GPD2: variants seen among roughly 807,000 people sequenced by gnomAD.
GPD2 encodes the protein glycerol-3-phosphate dehydrogenase 2.
A neutral mutation model predicts 82.4 loss-of-function variants in GPD2; 54 were observed. That is an observed-to-expected ratio of 0.66 (90% CI 0.53 to 0.82). GPD2 has a LOEUF of 0.82. Among genes scored for constraint, GPD2 ranks in the 40% least tolerant of loss-of-function variants. GPD2 has a pLI of 0.00. For missense variants in GPD2, 748 were observed against 896.2 expected, an observed-to-expected ratio of 0.83 and a Z score of 2.11; for synonymous variants, 288 against 306.1, an observed-to-expected ratio of 0.94 and a Z score of 0.62.
the GPD2 span, among the ~76,000 whole-genome samples, chr2:156,411,872 G>C: frequency 2.0e-5 from 3 of 152,106 alleles, no homozygotes; most frequent in African/African-American, 7.2e-5. Flanking sequence ...TTGAATCATT[G>C]ATAAGAATTC....
intron 6 of GPD2, among the ~76,000 whole-genome samples, chr2:156,542,931 G>A (rs1455591874): frequency 6.6e-6 from 1 of 152,044 alleles, no homozygotes; most frequent in Non-Finnish European, 1.5e-5. Context: ...AAGTTCCATA[G>A]GACAGAGACC....
At chr2:156,525,518 A>G (rs1260752808) in intron 6 of GPD2, among the ~76,000 whole-genome samples, 1 of 152,230 alleles carries the variant, frequency 6.6e-6, no homozygotes, top group Non-Finnish European at 1.5e-5. Flanking sequence ...AATAGAAAAA[A>G]TTAGGAAAAA....
At chr2:156,414,719 A>G in the GPD2 span, among the ~76,000 whole-genome samples, 1 of 152,180 alleles carries the variant, frequency 6.6e-6, no homozygotes, top group African/African-American at 2.4e-5. Flanking sequence ...TATATTTTCA[A>G]ATGTTATTGG....
At position 156,572,547 on chromosome 2, in the gene GPD2, T is replaced by A. The variant is rs561410215; in HGVS notation, c.1767+1255T>A. Among the ~76,000 whole-genome samples, 3 of 152,248 alleles carry A rather than the reference T, an allele frequency of 2.0e-5. No homozygotes were observed. The South Asian group carries it at 6.2e-4, about 32-fold the overall frequency. ...AAATCCAGATCATTGGATATGTCTGTGTGAAATTCAAAGGGAAGGCTTGGG... is the reference window on the plus strand; with the variant it reads ...AAATCCAGATCATTGGATATGTCTGAGTGAAATTCAAAGGGAAGGCTTGGG... On this transcript the variant is annotated intron_variant, in intron 13 of 16. Coordinates refer to ENST00000438166, the MANE Select transcript of GPD2 (RefSeq NM_000408.5).
chr2:156,443,897 C>T (rs1235937843), intron 1 of GPD2, among the ~76,000 whole-genome samples: 1 of 152,140 alleles, frequency 6.6e-6, no homozygotes, highest in Non-Finnish European at 1.5e-5. Flanking sequence ...TTACCTTGTC[C>T]CCCTTATCAA....
chr2:156,465,785 G>A (rs186861911), intron 1 of GPD2, among the ~76,000 whole-genome samples: 4 of 152,130 alleles, frequency 2.6e-5, no homozygotes, highest in African/African-American at 4.8e-5. Context: ...GTAAAGGGGC[G>A]GAAAGACTGA....
chr2:156,468,752 A>C (rs1483219834), intron 1 of GPD2, among the ~76,000 whole-genome samples: 2 of 152,158 alleles, frequency 1.3e-5, no homozygotes, highest in African/African-American at 4.8e-5. Flanking sequence ...GGTACATGAG[A>C]TAATTTGCTA....
Position 156,470,669 on chromosome 2 carries a change from A to G in GPD2, c.-8-5429A>G, listed in dbSNP as rs187717360. Among the ~76,000 whole-genome samples the G allele has an allele frequency of 1.5e-3, 235 of 152,298 alleles. 1 individual carries two copies. The Middle Eastern group carries it at 0.051, about 33-fold the overall frequency. ...TTGCTTGTGCATAGTTGCCTTGCCT[A>G]TGAATGGGAGGAGGTAGAAGTGGTG... On this transcript the variant is annotated intron_variant, in intron 1 of 16. Coordinates refer to ENST00000438166, the MANE Select transcript of GPD2 (RefSeq NM_000408.5).
At chr2:156,465,496 G>A (rs1484916231) in intron 1 of GPD2, among the ~76,000 whole-genome samples, 2 of 151,634 alleles carry the variant, frequency 1.3e-5, no homozygotes, top group African/African-American at 4.9e-5. Flanking sequence ...TGAGTAACTG[G>A]TACTACAGGC....
chr2:156,521,217 A>G (rs1685395494), intron 6 of GPD2, among the ~76,000 whole-genome samples: 1 of 152,260 alleles, frequency 6.6e-6, no homozygotes, highest in Non-Finnish European at 1.5e-5. Flanking sequence ...TGAACAACAC[A>G]GATGAATCTT....
At chr2:156,570,331 T>C (rs1687568275) in intron 12 of GPD2, 113 bp downstream of exon 12, 1 of 910,322 alleles carries the variant, frequency 1.1e-6, no homozygotes, top group Non-Finnish European at 1.8e-6. Flanking sequence ...ATATGTCAGC[T>C]AAAACCAGGA....
At chr2:156,525,430 A>C (rs577932223) in intron 6 of GPD2, among the ~76,000 whole-genome samples, 10 of 152,336 alleles carry the variant, frequency 6.6e-5, no homozygotes, top group Non-Finnish European at 1.3e-4. Context: ...CCTCATGTGG[A>C]AAATGGTAAC....
intron 9 of GPD2, among the ~76,000 whole-genome samples, chr2:156,561,459 G>T (rs1687175253): frequency 6.6e-6 from 1 of 151,884 alleles, no homozygotes; most frequent in South Asian, 2.1e-4. Context: ...GTTCGTTCTG[G>T]GTTTCCTGAT....
rs531047914 is a variant in GPD2 at position 156,495,688 on chromosome 2, C to T, written c.103-356C>T. 2.6e-5 allele frequency: 11 copies of T among 415,658 alleles called. No individual in the cohort carries two copies. In the East Asian group the frequency reaches 6.6e-4, roughly 25 times the overall value. The allele number at this position is 415,658 out of a possible 1,614,324, so 25.7% of individuals were successfully genotyped here. Reference sequence around the variant, plus strand: ...ATGTCATCTGAATGAATTGCTAGTACTGGGTAAAAAAATCTCCTTATGTTC... The same window carrying T: ...ATGTCATCTGAATGAATTGCTAGTATTGGGTAAAAAAATCTCCTTATGTTC... On this transcript the variant is annotated intron_variant, in intron 2 of 16. Transcript: ENST00000438166.
In GPD2 at chr2:156,545,109, C is replaced by T. The variant is rs996177857; in HGVS notation, c.662-4499C>T. On this transcript the variant is annotated intron_variant, in intron 6 of 16. Transcript: ENST00000438166. ...ACGTGTGCATGTGCACACACATGAG[C>T]ATACACACGCATGCCTACACACACT... is the stretch of plus-strand genomic sequence containing the variant. Among the ~76,000 whole-genome samples, 4 of 152,066 alleles carry T rather than the reference C, an allele frequency of 2.6e-5. No individual in the cohort carries two copies. The East Asian group carries it at 5.8e-4, about 22-fold the overall frequency.
chr2:156,409,231 T>C, the GPD2 span, among the ~76,000 whole-genome samples: 1 of 152,218 alleles, frequency 6.6e-6, no homozygotes, highest in Non-Finnish European at 1.5e-5. Context: ...TATTGGCAGC[T>C]CTAGCAAACT....
chr2:156,496,935 T>G (rs1350617314), intron 3 of GPD2, among the ~76,000 whole-genome samples: 1 of 146,554 alleles, frequency 6.8e-6, no homozygotes, highest in Non-Finnish European at 1.5e-5. Context: ...AAAATATCAC[T>G]AATCTATAGT....
At chr2:156,470,069 GTGGCT>G (rs1683277275) in intron 1 of GPD2, among the ~76,000 whole-genome samples, 1 of 152,186 alleles carries the variant, frequency 6.6e-6, no homozygotes, top group Non-Finnish European at 1.5e-5. Context: ...TAAACAAGGG[GTGGCT>G]TATTTTACCC....
intron 8 of GPD2, among the ~76,000 whole-genome samples, chr2:156,556,098 G>A (rs762489503): frequency 2.6e-5 from 4 of 151,960 alleles, no homozygotes; most frequent in Non-Finnish European, 5.9e-5. Context: ...TTACACAGTT[G>A]TTACCCTCTC....
Sources: gnomAD v4.1 joint callset for allele counts (sites outside exome capture counted in the v4.1 genomes callset) on GRCh38, gnomAD v4.1.1 for gene constraint, MANE v1.5 for transcripts, NCBI Gene and HGNC (gene_info 2026-07-23, HGNC 2026-07-21) for gene names.